NUMB: variants seen among roughly 807,000 people sequenced by gnomAD.
NUMB encodes the protein protein numb homolog.
Under a neutral mutation model 59.7 loss-of-function variants are expected in NUMB, and 29 were observed. The observed-to-expected ratio is 0.49, with a 90% CI of 0.36 to 0.66. The LOEUF is 0.66. NUMB is among the 30% of genes least tolerant of loss of function. The pLI, the probability that NUMB is intolerant of heterozygous loss-of-function variation, is 0.00. For synonymous variants in NUMB, 288 were observed against 288.2 expected (o/e 1.00, Z 0.01); for missense variants, 723 against 822.0 (o/e 0.88, Z 1.47).
intron 4 of NUMB, among the ~76,000 whole-genome samples, chr14:73,343,437 T>C (rs1030014975): frequency 5.9e-5 from 9 of 152,194 alleles, no homozygotes; most frequent in African/African-American, 1.9e-4. Flanking sequence ...ACGGTTGACA[T>C]TGTTAGTTGC....
At chr14:73,352,522 A>T (rs1175826488) in intron 4 of NUMB, among the ~76,000 whole-genome samples, 2 of 13,776 alleles carry the variant, frequency 1.5e-4, no homozygotes, top group African/African-American at 5.1e-4. Context: ...ATATATATAT[A>T]TATATATGTT....
At chr14:73,343,849 G>A (rs548632910) in intron 4 of NUMB, among the ~76,000 whole-genome samples, 4 of 151,744 alleles carry the variant, frequency 2.6e-5, no homozygotes, top group African/African-American at 9.7e-5. Flanking sequence ...GCTTATAAAA[G>A]AAACTTATAA....
intron 4 of NUMB, among the ~76,000 whole-genome samples, chr14:73,348,097 C>CACCA (rs1893008950): frequency 2.6e-5 from 4 of 152,146 alleles, no homozygotes; most frequent in Non-Finnish European, 5.9e-5. Flanking sequence ...CATGGAAAAC[C>CACCA]TTGTATTCCA....
chr14:73,287,124 T>G lies in NUMB; in HGVS notation c.641A>C (p.Gln214Pro). ...ACAGATTGTACCTTTCTTGGCATCT[T>G]GCATTTGTTTCATGATCTCCTCTCT... ...AEREEIMKQM[Q>P]DAKKAETDKI... The change falls in exon 9 of 13, where the codon CAA (glutamine) becomes CCA (proline). Residue 214 changes from glutamine to proline, a missense_variant. Coordinates refer to ENST00000555238, the MANE Select transcript of NUMB (RefSeq NM_001005743.2). 3.1e-6 allele frequency: 5 copies of G among 1,613,968 alleles called. No individual in the cohort carries two copies. Among genetic ancestry groups the G allele is most frequent in the Non-Finnish European group, 4.2e-6 (5 of 1,179,902 alleles).
chr14:73,346,238 G>C (rs1271009193), intron 4 of NUMB, among the ~76,000 whole-genome samples: 1 of 152,040 alleles, frequency 6.6e-6, no homozygotes, highest in Admixed American at 6.6e-5. Flanking sequence ...CAAGAACTTT[G>C]GGAGGCCGAG....
intron 5 of NUMB, among the ~76,000 whole-genome samples, chr14:73,317,778 T>A (rs1891166365): frequency 6.6e-6 from 1 of 152,218 alleles, no homozygotes; most frequent in Non-Finnish European, 1.5e-5. Context: ...ATTAGATGGG[T>A]TTGAACTCAC....
In NUMB at chr14:73,277,219, C is replaced by T; in HGVS notation, c.1315G>A (p.Glu439Lys). 1 of 1,614,016 alleles carries T rather than the reference C, an allele frequency of 6.2e-7. No homozygotes were observed. The highest frequency in any genetic ancestry group is 8.5e-7 in the Non-Finnish European group (1 of 1,180,000). ...FQAGHRRTPS[E>K]ADRWLEEVSK... is the part of the protein sequence containing the mutation. ...ACCTCTTCTAACCATCGGTCGGCCT[C>T]AGAGGGAGTACGTCTATGACCGGCC... The change falls in exon 13 of 13, where the codon GAG becomes AAG. Residue 439 changes from glutamate (E) to lysine (K), a missense_variant. Glu to Lys is a moderately conservative substitution (Grantham distance 56, BLOSUM62 1). Transcript: ENST00000555238.
In NUMB at chr14:73,325,849, C is replaced by T. The variant is rs117576398; in HGVS notation, c.127-2645G>A. The stretch of plus-strand genomic sequence containing the variant: ...GGTGTGATAGCAGCAGAGGTAGCAA[C>T]AAAAGAAACCCCTGCAAGAGCCACA... On this transcript the variant is annotated intron_variant, in intron 4 of 12. Coordinates refer to ENST00000555238, the MANE Select transcript of NUMB (RefSeq NM_001005743.2). Among the ~76,000 whole-genome samples, 1,036 of 152,278 alleles carry T rather than the reference C, an allele frequency of 6.8e-3. 5 individuals carry two copies. The highest frequency in any genetic ancestry group is 0.03 in the South Asian group (145 of 4,826).
intron 4 of NUMB, among the ~76,000 whole-genome samples, chr14:73,323,619 A>C (rs1891516208): frequency 6.6e-6 from 1 of 152,244 alleles, no homozygotes; most frequent in African/African-American, 2.4e-5. Context: ...AGTAATCCTA[A>C]GACAAAGTAT....
At chr14:73,347,025 G>A (rs1204951612) in intron 4 of NUMB, among the ~76,000 whole-genome samples, 6 of 151,972 alleles carry the variant, frequency 3.9e-5, no homozygotes, top group Non-Finnish European at 8.8e-5. Context: ...TTAGAGACAG[G>A]GTCTTGCTTT....
rs1288750867 is a variant in NUMB at position 73,367,346 on chromosome 14, T to TAGAGAGAGAGAGAGAG, written c.-100-366_-100-365insCTCTCTCTCTCTCTCT. On this transcript the variant is annotated intron_variant, in intron 2 of 12. Coordinates refer to ENST00000555238, the MANE Select transcript of NUMB (RefSeq NM_001005743.2). ...ACATATATACATATATATATATATA[T>TAGAGAGAGAGAGAGAG]ATAGAGAGAGAGAGAGAGAGAGAGA... Among the ~76,000 whole-genome samples, 208 of 91,234 alleles carry TAGAGAGAGAGAGAGAG rather than the reference T, an allele frequency of 2.3e-3. 1 individual carries two copies. Among genetic ancestry groups the TAGAGAGAGAGAGAGAG allele is most frequent in the Non-Finnish European group, 3.1e-3 (159 of 51,702 alleles). The allele number at this position is 91,234 out of a possible 152,430, so 59.9% of individuals were successfully genotyped here.
At chr14:73,354,927 T>G (rs1448618839) in intron 4 of NUMB, among the ~76,000 whole-genome samples, 1 of 152,108 alleles carries the variant, frequency 6.6e-6, no homozygotes, top group African/African-American at 2.4e-5. Context: ...CATTTGGTAT[T>G]TGGTCTAGTT....
At chr14:73,359,114 G>C (rs1363245183) in intron 3 of NUMB, among the ~76,000 whole-genome samples, 1 of 152,220 alleles carries the variant, frequency 6.6e-6, no homozygotes, top group Non-Finnish European at 1.5e-5. Flanking sequence ...CCAGTTTAGG[G>C]TCTAAGTATC....
In NUMB at chr14:73,327,792, G is replaced by T. The variant is rs1245642723; in HGVS notation, c.127-4588C>A. Among the ~76,000 whole-genome samples, 4 of 152,024 alleles carry T rather than the reference G, an allele frequency of 2.6e-5. No individual in the cohort carries two copies. The East Asian group carries it at 7.7e-4, about 29-fold the overall frequency. On this transcript the variant is annotated intron_variant, in intron 4 of 12. Coordinates refer to ENST00000555238, the MANE Select transcript of NUMB (RefSeq NM_001005743.2). ...AAAATTCACTCTTTTTGGTTTAGAG[G>T]TCTATGAGATTTGACAAATGTATAC...
At chr14:73,280,983 C>T (rs578055851) in intron 11 of NUMB, among the ~76,000 whole-genome samples, 62 of 152,084 alleles carry the variant, frequency 4.1e-4, no homozygotes, top group Admixed American at 1.2e-3. Context: ...AGCCACCGCA[C>T]CCAGCCGGTG....
At chr14:73,426,483 G>A (rs1030823234) in intron 1 of NUMB, among the ~76,000 whole-genome samples, 1 of 152,110 alleles carries the variant, frequency 6.6e-6, no homozygotes, top group Non-Finnish European at 1.5e-5. Flanking sequence ...AAGGCAGGAG[G>A]ATCACTTGAG....
chr14:73,340,363 C>T lies in NUMB; in HGVS notation c.126+15263G>A, dbSNP rs117474208. Among the ~76,000 whole-genome samples, 703 of 152,296 alleles carry T rather than the reference C, an allele frequency of 4.6e-3. 5 individuals carry two copies. Among genetic ancestry groups the T allele is most frequent in the South Asian group, 0.03 (143 of 4,822 alleles). On this transcript the variant is annotated intron_variant, in intron 4 of 12. Coordinates refer to ENST00000555238, the MANE Select transcript of NUMB (RefSeq NM_001005743.2). ...TCCACTGATGCCCAAAAACCAACCC[C>T]ACCCCAGGCAAACTGCGCCATCTGG...
intron 2 of NUMB, among the ~76,000 whole-genome samples, chr14:73,397,757 TCA>T (rs1303933129): frequency 6.6e-6 from 1 of 152,216 alleles, no homozygotes; most frequent in African/African-American, 2.4e-5. Context: ...CATTAAATAT[TCA>T]CACACATACA....
At chr14:73,399,570 G>GA (rs1030933687) in intron 2 of NUMB, among the ~76,000 whole-genome samples, 27 of 148,332 alleles carry the variant, frequency 1.8e-4, no homozygotes, top group East Asian at 6.1e-4. Context: ...TCTCAAAAAA[G>GA]AAAAAAAAAT....
Sources: gnomAD v4.1 joint callset for allele counts (sites outside exome capture counted in the v4.1 genomes callset) on GRCh38, gnomAD v4.1.1 for gene constraint, MANE v1.5 for transcripts, NCBI Gene and HGNC (gene_info 2026-07-23, HGNC 2026-07-21) for gene names.